Variants in TECPR2 observed in about 807,000 individuals in gnomAD.
The protein encoded by TECPR2 is tectonin beta-propeller repeat containing 2.
TECPR2 carries 65 observed loss-of-function variants against 138.1 expected under a neutral mutation model. That is an observed-to-expected ratio of 0.47 (90% confidence interval 0.39 to 0.58). The LOEUF is 0.58. Ranked by LOEUF, TECPR2 falls within the 20% of genes least tolerant of loss-of-function variation. TECPR2 has a pLI of 0.00. For missense variants in TECPR2, 1,553 were observed against 1,824.5 expected, an observed-to-expected ratio of 0.85 and a Z score of 2.71; for synonymous variants, 746 against 749.8, an observed-to-expected ratio of 0.99 and a Z score of 0.08.
intron 16 of TECPR2, among the ~76,000 whole-genome samples, chr14:102,459,957 T>C (rs1415702124): frequency 1.3e-5 from 2 of 151,974 alleles, no homozygotes; most frequent in Non-Finnish European, 2.9e-5. Context: ...TCATCAGTCT[T>C]CTCTAAAAGG....
chr14:102,432,541 C>G (rs1220263808), intron 8 of TECPR2, among the ~76,000 whole-genome samples: 2 of 152,098 alleles, frequency 1.3e-5, no homozygotes, highest in Non-Finnish European at 2.9e-5. Context: ...CCTCAGCCTC[C>G]CGAGTATGCA....
chr14:102,453,775 T>C (rs1890211016), intron 16 of TECPR2, among the ~76,000 whole-genome samples: 2 of 149,550 alleles, frequency 1.3e-5, no homozygotes, highest in African/African-American at 4.9e-5. Flanking sequence ...TAGACTTGAA[T>C]TGTATAAGCA....
chr14:102,413,767 G>T (rs976359093), intron 4 of TECPR2, among the ~76,000 whole-genome samples: 1 of 151,864 alleles, frequency 6.6e-6, no homozygotes, highest in Non-Finnish European at 1.5e-5. Context: ...ATGCCTTCTA[G>T]AATTTTATTT....
intron 17 of TECPR2, among the ~76,000 whole-genome samples, chr14:102,492,565 C>A (rs1891182065): frequency 6.6e-6 from 1 of 152,226 alleles, no homozygotes; most frequent in Admixed American, 6.5e-5. Context: ...CAGAATGTTT[C>A]TGAGGGAAGC....
rs11621368 is a variant in TECPR2 at position 102,431,596 on chromosome 14, C to G, written c.1085-200C>G. On this transcript the variant is annotated intron_variant, in intron 7 of 19. Coordinates refer to ENST00000359520, the MANE Select transcript of TECPR2 (RefSeq NM_014844.5). ...TGACCTTGTGATCCGCCCGCCTTGGCCTCCCAAAGTGCTGGGATTACAGGC... is the reference window on the plus strand; with the variant it reads ...TGACCTTGTGATCCGCCCGCCTTGGGCTCCCAAAGTGCTGGGATTACAGGC... 0.06 allele frequency among the ~76,000 whole-genome samples: 9,116 copies of G among 152,226 alleles called. 329 individuals carry two copies. The highest frequency in any genetic ancestry group is 0.11 in the Middle Eastern group (33 of 294).
intron 8 of TECPR2, among the ~76,000 whole-genome samples, chr14:102,433,002 CAAAAAAAAA>C (rs567150393): frequency 7.8e-5 from 4 of 51,612 alleles, no homozygotes; most frequent in African/African-American, 3.0e-4. Context: ...GACTCCGTCT[CAAAAAAAAA>C]AAAAAAAAAA....
chr14:102,438,303 C>A (rs1889736593), intron 10 of TECPR2, 98 bp downstream of exon 10: 9 of 1,411,598 alleles, frequency 6.4e-6, no homozygotes, highest in Non-Finnish European at 8.4e-6. Context: ...GGCTCCCCTG[C>A]AGCAGCTCTG....
At chr14:102,433,323 T>C (rs1026228989) in intron 8 of TECPR2, among the ~76,000 whole-genome samples, 1 of 151,886 alleles carries the variant, frequency 6.6e-6, no homozygotes, top group South Asian at 2.1e-4. Context: ...GCTCTGGAGG[T>C]CCACAGTGTC....
At chr14:102,465,047 T>G (rs1253284384) in intron 16 of TECPR2, 94 bp from the exon 17 acceptor site, 1 of 1,474,524 alleles carries the variant, frequency 6.8e-7, no homozygotes, top group East Asian at 2.3e-5. Flanking sequence ...CTCATTTCTT[T>G]CTTTGAAGTA....
intron 17 of TECPR2, among the ~76,000 whole-genome samples, chr14:102,480,853 T>TTG (rs1890879076): frequency 3.8e-5 from 5 of 133,024 alleles, no homozygotes; most frequent in East Asian, 2.2e-4. Flanking sequence ...TTTTTTTTTT[T>TTG]TTTTTTTTTT....
chr14:102,373,001 A>G (rs9788420), intron 1 of TECPR2, among the ~76,000 whole-genome samples: 39,758 of 152,088 alleles, frequency 0.26, 6,055 homozygotes, highest in East Asian at 0.45. Context: ...AAATTATGGC[A>G]CATCAATGTG....
At chr14:102,487,638 T>G (rs1189008907) in intron 17 of TECPR2, among the ~76,000 whole-genome samples, 1 of 152,074 alleles carries the variant, frequency 6.6e-6, no homozygotes, top group East Asian at 1.9e-4. Flanking sequence ...GCCTCCCAGG[T>G]TCACACCATT....
intron 17 of TECPR2, among the ~76,000 whole-genome samples, chr14:102,468,540 A>G (rs1224974227): frequency 6.6e-6 from 1 of 152,196 alleles, no homozygotes; most frequent in Non-Finnish European, 1.5e-5. Context: ...GACCTTTATC[A>G]GACACATGAT....
At chr14:102,460,769 A>G (rs1005465425) in intron 16 of TECPR2, among the ~76,000 whole-genome samples, 4 of 145,646 alleles carry the variant, frequency 2.7e-5, no homozygotes, top group African/African-American at 1.0e-4. Flanking sequence ...ATCTCCGCTC[A>G]CTGCAAGCTC....
chr14:102,401,110 C>G (rs918249400), intron 2 of TECPR2, among the ~76,000 whole-genome samples: 11 of 151,912 alleles, frequency 7.2e-5, no homozygotes, highest in Admixed American at 5.2e-4. Context: ...ATTAAACTCT[C>G]CAATCAAAAG....
intron 17 of TECPR2, among the ~76,000 whole-genome samples, chr14:102,474,491 G>T (rs2139779576): frequency 6.6e-6 from 1 of 151,470 alleles, no homozygotes; most frequent in East Asian, 2.0e-4. Context: ...GGGTGTGGTG[G>T]TGCATGCCTG....
rs146740562 is a variant in TECPR2, at chr14:102,465,027, C to T, written c.3641-114C>T. On this transcript the variant is annotated intron_variant, in intron 16 of 19. Transcript: ENST00000359520. ...ATGACTTAGTGTCCAAGTTCAATTG[C>T]AAATGCAGCCTCATTTCTTTCTTTG... 1.1e-5 allele frequency: 14 copies of T among 1,322,206 alleles called. 1 individual carries two copies. In the East Asian group the frequency reaches 3.4e-4, roughly 32 times the overall value. 81.9% of individuals were successfully genotyped at this position (1,322,206 alleles called of 1,614,324 possible).
At position 102,500,398 on chromosome 14, in the gene TECPR2, G is replaced by A. The variant is rs1891411496; in HGVS notation, c.*2141G>A. 6.6e-6 allele frequency: 1 copy of A among 152,308 alleles called. No homozygotes were observed. The highest frequency in any genetic ancestry group is 2.4e-5 in the African/African-American group (1 of 41,480). 9.4% of individuals were successfully genotyped at this position (152,308 alleles called of 1,614,324 possible). On this transcript the variant is annotated 3_prime_UTR_variant, in exon 20 of 20. Transcript: ENST00000359520. The stretch of plus-strand genomic sequence containing the variant: ...GGCTGTACCCCATGGTAGCCTCTGA[G>A]GAGGACGCTGTGGGGTGAGGTCCAG...
chr14:102,441,592 A>G (rs796803419), intron 11 of TECPR2, among the ~76,000 whole-genome samples: 2 of 151,838 alleles, frequency 1.3e-5, no homozygotes, highest in African/African-American at 4.8e-5. Context: ...TGGGAGCCTG[A>G]GGCACAAGAA....
Sources: allele counts gnomAD v4.1 joint callset (sites outside exome capture counted in the v4.1 genomes callset), GRCh38; gene constraint gnomAD v4.1.1; transcripts MANE v1.5; gene names NCBI Gene and HGNC (gene_info 2026-07-23, HGNC 2026-07-21).